The following FAM184B variants were observed in gnomAD, a reference collection of about 807,000 sequenced individuals.
FAM184B encodes family with sequence similarity 184 member B, also known as protein FAM184B.
Under a neutral mutation model 135.9 loss-of-function variants are expected in FAM184B, and 111 were observed. The observed-to-expected ratio is 0.82, with a 90% CI of 0.70 to 0.96. The LOEUF is 0.96. Among genes scored for constraint, FAM184B ranks in the 40% least tolerant of loss-of-function variants. The pLI, the probability that FAM184B is intolerant of heterozygous loss-of-function variation, is 0.00. For missense variants in FAM184B, 1,375 were observed against 1,323.9 expected (o/e 1.04, Z -0.60); for synonymous variants, 552 against 524.8 (o/e 1.05, Z -0.71).
chr4:17,741,053 C>A (rs1471056661), intron 1 of FAM184B, among the ~76,000 whole-genome samples: 2 of 152,204 alleles, frequency 1.3e-5, no homozygotes, highest in African/African-American at 4.8e-5. Flanking sequence ...TTTGTTCAAT[C>A]ATTTAGCAAA....
At chr4:17,650,338 C>A (rs1415662308) in intron 11 of FAM184B, among the ~76,000 whole-genome samples, 1 of 151,988 alleles carries the variant, frequency 6.6e-6, no homozygotes, top group Non-Finnish European at 1.5e-5. Context: ...TCAGGAATAT[C>A]TCATATCAAC....
At chr4:17,651,555 A>AG (rs1715618268) in intron 11 of FAM184B, among the ~76,000 whole-genome samples, 1 of 150,538 alleles carries the variant, frequency 6.6e-6, no homozygotes, top group Non-Finnish European at 1.5e-5. Flanking sequence ...AAAAAAAAAA[A>AG]AAAAAAAAGA....
At chr4:17,692,557 T>C (rs1466677396) in intron 6 of FAM184B, among the ~76,000 whole-genome samples, 1 of 152,212 alleles carries the variant, frequency 6.6e-6, no homozygotes, top group Non-Finnish European at 1.5e-5. Context: ...CTTGTTTAGA[T>C]TGACCTCTTG....
intron 8 of FAM184B, among the ~76,000 whole-genome samples, chr4:17,661,699 T>C (rs1715924146): frequency 6.6e-6 from 1 of 152,216 alleles, no homozygotes; most frequent in African/African-American, 2.4e-5. Context: ...CAGGGATACC[T>C]GGGTCTGAAC....
At chr4:17,688,931 G>A (rs1298723816) in intron 6 of FAM184B, among the ~76,000 whole-genome samples, 1 of 152,046 alleles carries the variant, frequency 6.6e-6, no homozygotes, top group African/African-American at 2.4e-5. Flanking sequence ...GACCTTAAGC[G>A]ATCCGCCTGC....
chr4:17,653,523 TATTC>T (rs35505975), intron 10 of FAM184B, among the ~76,000 whole-genome samples: 10,186 of 152,134 alleles, frequency 0.067, 856 homozygotes, highest in African/African-American at 0.2. Flanking sequence ...CTTGGGTTCA[TATTC>T]ATTCATTCTT....
rs373337380 is a variant in FAM184B, at chr4:17,643,944, G to T, written c.2347-1716C>A. 7.9e-4 allele frequency among the ~76,000 whole-genome samples: 120 copies of T among 152,344 alleles called. 2 individuals carry two copies. In the South Asian group the frequency reaches 0.025, roughly 32 times the overall value. On this transcript the variant is annotated intron_variant, in intron 12 of 17. Transcript: ENST00000265018. ...GGCATGTCCCCAACAGGACCGGGCG[G>T]TAGATCCTAGAGCCAGCTGAGCTGT...
intron 13 of FAM184B, among the ~76,000 whole-genome samples, chr4:17,641,570 C>T (rs896378800): frequency 4.3e-5 from 6 of 141,052 alleles, no homozygotes; most frequent in Non-Finnish European, 7.5e-5. Flanking sequence ...CCTGGTCCTC[C>T]CGAGTTCACG....
At chr4:17,654,384 A>G (rs1414522713) in intron 10 of FAM184B, among the ~76,000 whole-genome samples, 1 of 152,074 alleles carries the variant, frequency 6.6e-6, no homozygotes, top group Non-Finnish European at 1.5e-5. Context: ...GGGTCTCACT[A>G]TGTTACCCAG....
chr4:17,749,873 A>G (rs1280057925), intron 1 of FAM184B, among the ~76,000 whole-genome samples: 13 of 151,948 alleles, frequency 8.6e-5, no homozygotes. Context: ...TAAGTATTCT[A>G]TTTTATTTCG....
chr4:17,642,836 G>A (rs993681269), intron 12 of FAM184B, among the ~76,000 whole-genome samples: 1 of 152,230 alleles, frequency 6.6e-6, no homozygotes, highest in Non-Finnish European at 1.5e-5. Flanking sequence ...TGTAGTTCAG[G>A]TAGAAACACA....
Position 17,693,166 on chromosome 4 carries a change from G to T in FAM184B, c.1488+136C>A, listed in dbSNP as rs1716774059. 4 of 611,414 alleles carry T rather than the reference G, an allele frequency of 6.5e-6. No individual in the cohort carries two copies. In the East Asian group the frequency reaches 1.1e-4, roughly 17 times the overall value. The allele number at this position is 611,414 out of a possible 1,614,324, so 37.9% of individuals were successfully genotyped here. A position where few individuals can be genotyped will look rare whatever the true frequency, so the allele number is the denominator to read the frequency against. ...GGCTCTCTGTTACTTGCAGCTAAAT[G>T]CACGCCCCCCGAGACAGCCTGCCTG... On this transcript the variant is annotated intron_variant, in intron 6 of 17. Coordinates refer to ENST00000265018, the MANE Select transcript of FAM184B (RefSeq NM_015688.2).
intron 1 of FAM184B, among the ~76,000 whole-genome samples, chr4:17,747,783 A>T (rs999364658): frequency 1.5e-3 from 224 of 150,940 alleles, no homozygotes; most frequent in African/African-American, 4.9e-3. Flanking sequence ...TAGCCGGGCG[A>T]GGTGGCGGGC....
chr4:17,776,199 C>T (rs893047713), intron 1 of FAM184B, among the ~76,000 whole-genome samples: 3 of 152,066 alleles, frequency 2.0e-5, no homozygotes, highest in Non-Finnish European at 4.4e-5. Context: ...ACTTTAAGGA[C>T]ATACTATCCA....
At chr4:17,641,641 G>T (rs1715317662) in intron 13 of FAM184B, among the ~76,000 whole-genome samples, 2 of 40,118 alleles carry the variant, frequency 5.0e-5, no homozygotes, top group Non-Finnish European at 5.9e-5. Context: ...ACCACGCCCG[G>T]CCTTTTTTTT....
chr4:17,639,830 A>G (rs1280062914), intron 13 of FAM184B, among the ~76,000 whole-genome samples: 1 of 145,470 alleles, frequency 6.9e-6, no homozygotes, highest in African/African-American at 2.7e-5. Context: ...GCCTCCCTGA[A>G]CTTTTTTTTT....
chr4:17,713,982 G>A (rs1418645002), intron 1 of FAM184B, among the ~76,000 whole-genome samples: 1 of 152,182 alleles, frequency 6.6e-6, no homozygotes, highest in Non-Finnish European at 1.5e-5. Context: ...CGGTCTGGGA[G>A]GAAAGAAGAC....
chr4:17,651,278 C>T (rs1232506451), intron 11 of FAM184B, among the ~76,000 whole-genome samples: 3 of 152,122 alleles, frequency 2.0e-5, no homozygotes, highest in Non-Finnish European at 4.4e-5. Context: ...TGGCTCACGC[C>T]TGTAATCCCA....
intron 1 of FAM184B, among the ~76,000 whole-genome samples, chr4:17,742,168 A>ATATATATATTTTT (rs1459958150): frequency 1.6e-4 from 18 of 109,278 alleles, no homozygotes; most frequent in African/African-American, 8.2e-4. Flanking sequence ...ATATATATAT[A>ATATATATATTTTT]TTTTTTTTTT....
Sources: allele counts gnomAD v4.1 joint callset (sites outside exome capture counted in the v4.1 genomes callset), GRCh38; gene constraint gnomAD v4.1.1; transcripts MANE v1.5; gene names NCBI Gene and HGNC (gene_info 2026-07-23, HGNC 2026-07-21).